Variants in KIF16B observed in about 807,000 individuals in gnomAD.
KIF16B encodes kinesin family member 16B.
KIF16B carries 98 observed loss-of-function variants against 156.3 expected under a neutral mutation model. The ratio of observed to expected loss-of-function variants is 0.63; its 90% CI spans 0.53 to 0.74. The LOEUF is 0.74. Ranked by LOEUF, KIF16B falls within the 30% of genes least tolerant of loss-of-function variation. The pLI, the probability that KIF16B is intolerant of heterozygous loss-of-function variation, is 0.00. For missense variants in KIF16B, 1,421 were observed against 1,606.5 expected (o/e 0.88, Z 1.97); for synonymous variants, 564 against 583.7 (o/e 0.97, Z 0.49).
chr20:16,394,135 T>C (rs1406795242), intron 17 of KIF16B, among the ~76,000 whole-genome samples: 1 of 152,204 alleles, frequency 6.6e-6, no homozygotes, highest in Admixed American at 6.5e-5. Context: ...AACAGTCTCA[T>C]TTGCTCAGCT....
intron 3 of KIF16B, 93 bp downstream of exon 3, chr20:16,525,999 A>T (rs2069525829): frequency 2.9e-6 from 2 of 689,600 alleles, no homozygotes. Flanking sequence ...ATTCAGAAAG[A>T]AATTGGCAAG....
At chr20:16,438,589 A>G (rs2146508761) in intron 12 of KIF16B, among the ~76,000 whole-genome samples, 1 of 152,254 alleles carries the variant, frequency 6.6e-6, no homozygotes. Flanking sequence ...TTTTCCACAT[A>G]GGAAGAATCA....
chr20:16,533,386 T>C (rs2069830356), intron 1 of KIF16B, among the ~76,000 whole-genome samples: 1 of 152,220 alleles, frequency 6.6e-6, no homozygotes, highest in African/African-American at 2.4e-5. Context: ...AATAGGAACC[T>C]GCATTTTAAC....
In KIF16B at chr20:16,508,065, C is replaced by T. The variant is rs144734414; in HGVS notation, c.592G>A (p.Val198Ile). The T allele has an allele frequency of 6.2e-6, 10 of 1,613,902 alleles. No individual in the cohort carries two copies. Among genetic ancestry groups the T allele is most frequent in the East Asian group, 4.5e-5 (2 of 44,878 alleles). Reference protein sequence around the residue: ...SKHLVQNYGDVEELMDAGNIN... With the variant: ...SKHLVQNYGDIEELMDAGNIN... ...TTGCCCGCATCCATAAGTTCTTCTA[C>T]GTCACCATAATTCTGTACTAAATGT... Residue 198 changes from valine (V) to isoleucine (I), a missense_variant, in exon 7 of 26, where the codon GTA (valine) becomes ATA (isoleucine). Transcript: ENST00000354981.
At chr20:16,456,084 C>A (rs1568555024) in intron 12 of KIF16B, among the ~76,000 whole-genome samples, 2 of 141,000 alleles carry the variant, frequency 1.4e-5, no homozygotes, top group Non-Finnish European at 3.1e-5. Flanking sequence ...AAAAGGAATT[C>A]TTCTACTGGA....
intron 23 of KIF16B, among the ~76,000 whole-genome samples, chr20:16,344,659 G>A (rs1052191270): frequency 6.6e-6 from 1 of 152,150 alleles, no homozygotes; most frequent in Non-Finnish European, 1.5e-5. Flanking sequence ...TGTCCTGCAC[G>A]CTGAAGACAG....
chr20:16,378,184 G>A (rs2064998335), intron 19 of KIF16B, among the ~76,000 whole-genome samples: 1 of 152,054 alleles, frequency 6.6e-6, no homozygotes, highest in Admixed American at 6.6e-5. Context: ...AACAAGTGCT[G>A]GTCATGGAGA....
At chr20:16,441,132 T>G (rs1040426293) in intron 12 of KIF16B, among the ~76,000 whole-genome samples, 2 of 152,214 alleles carry the variant, frequency 1.3e-5, no homozygotes, top group Non-Finnish European at 2.9e-5. Context: ...AAGGGCATTT[T>G]CTGTATAATA....
chr20:16,539,067 C>T (rs2070092861), intron 1 of KIF16B, among the ~76,000 whole-genome samples: 1 of 152,012 alleles, frequency 6.6e-6, no homozygotes, highest in Non-Finnish European at 1.5e-5. Flanking sequence ...AATTTAACCT[C>T]TTGTCTTATA....
At chr20:16,345,115 C>G (rs1025667290) in intron 23 of KIF16B, among the ~76,000 whole-genome samples, 2 of 152,174 alleles carry the variant, frequency 1.3e-5, no homozygotes, top group Non-Finnish European at 2.9e-5. Flanking sequence ...ATCCACCCAT[C>G]GGTCTCAAGC....
intron 15 of KIF16B, among the ~76,000 whole-genome samples, chr20:16,414,465 A>C (rs1322246143): frequency 1.3e-5 from 2 of 152,114 alleles, no homozygotes; most frequent in Non-Finnish European, 2.9e-5. Flanking sequence ...CAATGTTTAC[A>C]ATTCAAATAT....
intron 7 of KIF16B, among the ~76,000 whole-genome samples, chr20:16,506,630 T>C (rs1251022581): frequency 6.6e-6 from 1 of 152,232 alleles, no homozygotes; most frequent in East Asian, 1.9e-4. Flanking sequence ...AAACATCTTG[T>C]TGCACAAATT....
Position 16,355,459 on chromosome 20 carries a change from C to T in KIF16B, c.3621+871G>A, listed in dbSNP as rs543732937. On this transcript the variant is annotated intron_variant, in intron 23 of 25. Coordinates refer to ENST00000354981, the MANE Select transcript of KIF16B (RefSeq NM_024704.5). ...TGCAGCGGGGTCACAGTCTACAGAA[C>T]TCAGTGTCCAGATTCATGGTCTGGT... 6.6e-5 allele frequency among the ~76,000 whole-genome samples: 10 copies of T among 152,274 alleles called. No homozygotes were observed. In the South Asian group the frequency reaches 1.0e-3, roughly 16 times the overall value.
At chr20:16,374,458 G>T (rs201723214) in intron 19 of KIF16B, 49 bp from the exon 20 acceptor site, 4 of 1,446,140 alleles carry the variant, frequency 2.8e-6, no homozygotes, top group East Asian at 4.9e-5. Context: ...TATTTCCCGA[G>T]CATCCTTACT....
intron 3 of KIF16B, among the ~76,000 whole-genome samples, chr20:16,519,724 CAA>C (rs1222234953): frequency 6.6e-6 from 1 of 152,192 alleles, no homozygotes; most frequent in Non-Finnish European, 1.5e-5. Flanking sequence ...TGGTGGCTGG[CAA>C]GATGGCCAAA....
chr20:16,553,780 G>C (rs1490915616), intron 1 of KIF16B, among the ~76,000 whole-genome samples: 15 of 152,218 alleles, frequency 9.9e-5, no homozygotes, highest in South Asian at 2.1e-4. Context: ...GGCTACAGCG[G>C]GGGAGGTGCA....
chr20:16,568,119 A>C (rs1371812129), intron 1 of KIF16B, among the ~76,000 whole-genome samples: 1 of 152,048 alleles, frequency 6.6e-6, no homozygotes, highest in Non-Finnish European at 1.5e-5. Context: ...ACGTCAGTAC[A>C]CCCTAAAGAT....
At chr20:16,421,925 A>G (rs1399686263) in intron 15 of KIF16B, among the ~76,000 whole-genome samples, 2 of 152,130 alleles carry the variant, frequency 1.3e-5, no homozygotes, top group Non-Finnish European at 2.9e-5. Context: ...AGGGAAAGAC[A>G]ATTCCGACAA....
intron 12 of KIF16B, among the ~76,000 whole-genome samples, chr20:16,436,619 A>G (rs1184421456): frequency 6.6e-6 from 1 of 152,166 alleles, no homozygotes; most frequent in Non-Finnish European, 1.5e-5. Flanking sequence ...TCTCAGGTGC[A>G]GGTTTAGGAA....
Sources: gnomAD v4.1 joint callset for allele counts (sites outside exome capture counted in the v4.1 genomes callset) on GRCh38, gnomAD v4.1.1 for gene constraint, MANE v1.5 for transcripts, NCBI Gene and HGNC (gene_info 2026-07-23, HGNC 2026-07-21) for gene names.